RALGAPB: variants seen among roughly 807,000 people sequenced by gnomAD.
RALGAPB encodes the protein ral GTPase-activating protein subunit beta.
RALGAPB carries 25 observed loss-of-function variants against 161.1 expected under a neutral mutation model. The ratio of observed to expected loss-of-function variants is 0.16; its 90% CI spans 0.11 to 0.22. The LOEUF (loss-of-function observed/expected upper bound fraction) is 0.22. Ranked by LOEUF, RALGAPB falls within the 10% of genes least tolerant of loss-of-function variation. The pLI is 1.00. For missense variants in RALGAPB, 1,391 were observed against 1,815.2 expected, an observed-to-expected ratio of 0.77 and a Z score of 4.25; for synonymous variants, 629 against 626.1, an observed-to-expected ratio of 1.00 and a Z score of -0.07.
At chr20:38,517,744 T>A in intron 8 of RALGAPB, 40 bp from the exon 9 acceptor site, 1 of 1,604,978 alleles carries the variant, frequency 6.2e-7, no homozygotes, top group Middle Eastern at 1.7e-4. Context: ...TTTCTCAGAC[T>A]TTTCATTGGT....
At chr20:38,542,971 C>CA (rs777247075) in intron 18 of RALGAPB, among the ~76,000 whole-genome samples, 53 of 152,084 alleles carry the variant, frequency 3.5e-4, no homozygotes, top group Non-Finnish European at 6.6e-4. Context: ...CTTCATTATA[C>CA]AAAAATAAGC....
chr20:38,517,574 G>A lies in RALGAPB; in HGVS notation c.1120G>A (p.Ala374Thr). ...GAATAGATTAAGTATGCCTCAAAGT[G>A]CTGCTGTCAGTACCACCCCCCCACA... is the stretch of plus-strand genomic sequence containing the variant. ...PVNRLSMPQS[A>T]AVSTTPPHNR... Residue 374 changes from alanine (A) to threonine (T), a missense_variant, in exon 8 of 30, where the codon GCT becomes ACT. Ala to Thr is a moderately conservative substitution (Grantham distance 58, BLOSUM62 0). This residue lies in a region of RALGAPB where 946 missense variants were observed against 1,257.2 expected (regional missense o/e 0.75). Transcript: ENST00000262879. 6.2e-7 allele frequency: 1 copy of A among 1,613,536 alleles called. No homozygotes were observed. The highest frequency in any genetic ancestry group is 8.5e-7 in the Non-Finnish European group (1 of 1,179,868).
chr20:38,501,346 T>G (rs1199273866), intron 5 of RALGAPB, among the ~76,000 whole-genome samples: 3 of 151,992 alleles, frequency 2.0e-5, no homozygotes, highest in African/African-American at 7.2e-5. Flanking sequence ...GTGCAGTGGC[T>G]CACACCTGTA....
intron 13 of RALGAPB, among the ~76,000 whole-genome samples, chr20:38,529,208 TAATA>T (rs2086571843): frequency 6.6e-6 from 1 of 152,242 alleles, no homozygotes; most frequent in African/African-American, 2.4e-5. Flanking sequence ...TGCATATTAT[TAATA>T]TATACTGCAT....
At chr20:38,515,829 C>T (rs750629276) in intron 6 of RALGAPB, among the ~76,000 whole-genome samples, 1 of 152,006 alleles carries the variant, frequency 6.6e-6, no homozygotes, top group Non-Finnish European at 1.5e-5. Flanking sequence ...CCTTGAACTC[C>T]TTGGCTCAAG....
chr20:38,560,354 T>C (rs2087744047), intron 23 of RALGAPB, among the ~76,000 whole-genome samples: 2 of 152,170 alleles, frequency 1.3e-5, no homozygotes, highest in Admixed American at 6.5e-5. Context: ...GGAAAAGATA[T>C]TCTAGCTGGT....
intron 13 of RALGAPB, among the ~76,000 whole-genome samples, chr20:38,530,375 C>T (rs922583227): frequency 2.2e-4 from 34 of 152,076 alleles, no homozygotes; most frequent in Non-Finnish European, 5.9e-5. Context: ...CATGTATGGT[C>T]TGTAAGTGTT....
Position 38,497,378 on chromosome 20 carries a change from C to T in RALGAPB, c.415C>T (p.Arg139Ter). Residue 139 changes from arginine to a stop codon, truncating the protein, a stop_gained, in exon 4 of 30, where the codon CGA (arginine) becomes TGA (stop). Coordinates refer to ENST00000262879, the MANE Select transcript of RALGAPB (RefSeq NM_020336.4). LOFTEE classifies it high-confidence loss of function. ...PRQEQGSSQI[R>*]LCLQVLRAIQ... is the part of the protein sequence containing the mutation. ...ACAGGAACAGGGTTCCAGTCAGATT[C>T]GACTATGCTTACAGGTCCTGAGAGC... 1 of 1,614,030 alleles carries T rather than the reference C, an allele frequency of 6.2e-7. No individual in the cohort carries two copies. Among genetic ancestry groups the T allele is most frequent in the Non-Finnish European group, 8.5e-7 (1 of 1,179,958 alleles).
chr20:38,486,026 A>G (rs149951073), intron 1 of RALGAPB, among the ~76,000 whole-genome samples: 18 of 138,812 alleles, frequency 1.3e-4, no homozygotes, highest in East Asian at 1.1e-3. Context: ...CTGGGGTGCA[A>G]TGGCACCATC....
intron 5 of RALGAPB, among the ~76,000 whole-genome samples, chr20:38,504,547 C>T (rs375783987): frequency 4.6e-5 from 7 of 152,110 alleles, no homozygotes; most frequent in South Asian, 2.1e-4. Flanking sequence ...ACTCAGTCCT[C>T]AAAAGTAATT....
At chr20:38,525,328 G>T in intron 11 of RALGAPB, 76 bp from the exon 12 acceptor site, 1 of 936,338 alleles carries the variant, frequency 1.1e-6, no homozygotes, top group Non-Finnish European at 1.7e-6. Flanking sequence ...TGGAAAAATT[G>T]GCATTATATG....
chr20:38,526,075 C>G, intron 13 of RALGAPB, 33 bp downstream of exon 13: 1 of 1,610,470 alleles, frequency 6.2e-7, no homozygotes, highest in Non-Finnish European at 8.5e-7. Flanking sequence ...GTAAGTGAAA[C>G]CAAAGTACTG....
intron 10 of RALGAPB, 121 bp from the exon 11 acceptor site, chr20:38,524,657 T>C (rs1004348448): frequency 2.8e-5 from 21 of 748,196 alleles, no homozygotes; most frequent in Admixed American, 5.7e-5. Flanking sequence ...ATAATGTCCT[T>C]TCTTTAAAGG....
At position 38,550,398 on chromosome 20, in the gene RALGAPB, T is replaced by C. The variant is rs551420391; in HGVS notation, c.3010-673T>C. Among the ~76,000 whole-genome samples the C allele has an allele frequency of 8.5e-5, 13 of 152,354 alleles. No homozygotes were observed. The Middle Eastern group carries it at 0.01, about 120-fold the overall frequency. ...AGCATGTGCCTAAAATCATTTAATA[T>C]CTTAGATGTCTCTGTTAGATGTGAT... On this transcript the variant is annotated intron_variant, in intron 20 of 29. Transcript: ENST00000262879.
Position 38,499,519 on chromosome 20 carries a change from G to A in RALGAPB, c.626G>A (p.Arg209Gln), listed in dbSNP as rs867244746. 4.2e-5 allele frequency: 68 copies of A among 1,613,424 alleles called. No individual in the cohort carries two copies. Among genetic ancestry groups the A allele is most frequent in the Non-Finnish European group, 4.6e-5 (54 of 1,179,782 alleles). The change falls in exon 5 of 30, where the codon CGG becomes CAG. Residue 209 changes from arginine (R) to glutamine (Q), a missense_variant. Arg to Gln is a conservative substitution (Grantham distance 43). Coordinates refer to ENST00000262879, the MANE Select transcript of RALGAPB (RefSeq NM_020336.4). ...LFEVWLLACT[R>Q]CFPTPPYWKT... ...GAGGTGTGGTTACTAGCTTGTACTC[G>A]GTGCTTCCCAACACCTCCTTATTGG...
intron 21 of RALGAPB, 78 bp from the exon 22 acceptor site, chr20:38,553,789 A>AAC (rs1416906234): frequency 2.6e-5 from 21 of 804,402 alleles, no homozygotes; most frequent in South Asian, 1.9e-4. Context: ...AAAAAAAAAA[A>AAC]AAAAAAAAAA....
rs2088205713 is a variant in RALGAPB at position 38,570,864 on chromosome 20, TG to T, written c.4142+18del. On this transcript the variant is annotated intron_variant, in intron 28 of 29. Transcript: ENST00000262879. ...TTCACTGAGGTACACTCTATTTGCT[TG>T]AAGTTCATCAGCGTGTCTTTTTTTA... 1 of 1,535,600 alleles carries T rather than the reference TG, an allele frequency of 6.5e-7. No individual in the cohort carries two copies. The highest frequency in any genetic ancestry group is 1.7e-5 in the Admixed American group (1 of 58,032).
chr20:38,548,624 TAAC>T lies in RALGAPB; in HGVS notation c.2903-62_2903-60del, dbSNP rs145339327. 8.7e-4 allele frequency: 1,129 copies of T among 1,290,936 alleles called. 3 individuals are homozygous for T. The highest frequency in any genetic ancestry group is 1.2e-3 in the Non-Finnish European group (1,058 of 908,744). 80.0% of individuals were successfully genotyped at this position (1,290,936 alleles called of 1,614,324 possible). A position where few individuals can be genotyped will look rare whatever the true frequency, so the allele number is the denominator to read the frequency against. On this transcript the variant is annotated intron_variant, in intron 19 of 29. Coordinates refer to ENST00000262879, the MANE Select transcript of RALGAPB (RefSeq NM_020336.4). ...TGATTATGAGAAGCTCTGCAGTTGA[TAAC>T]AAGTTTATTTTAAATGGTTGTTGTC...
intron 22 of RALGAPB, among the ~76,000 whole-genome samples, chr20:38,557,744 A>G (rs1327448458): frequency 6.6e-6 from 1 of 152,184 alleles, no homozygotes; most frequent in Non-Finnish European, 1.5e-5. Flanking sequence ...GTAATACTCC[A>G]TTGTATGGAT....
Sources: allele counts gnomAD v4.1 joint callset (sites outside exome capture counted in the v4.1 genomes callset), GRCh38; gene constraint gnomAD v4.1.1; regional missense constraint gnomAD v4.1.1; transcripts MANE v1.5; gene names NCBI Gene and HGNC (gene_info 2026-07-23, HGNC 2026-07-21).